Variants in NKAIN3 observed in about 807,000 individuals in gnomAD.
NKAIN3 encodes the protein sodium/potassium transporting ATPase interacting 3, also known as sodium/potassium-transporting ATPase subunit beta-1-interacting protein 3.
In NKAIN3, 25 loss-of-function variants were observed where a neutral mutation model predicts 30.2. The observed-to-expected ratio is 0.83, with a 90% confidence interval of 0.60 to 1.16. NKAIN3 has a LOEUF of 1.16. Among genes scored for constraint, NKAIN3 ranks in the 50% most tolerant of loss-of-function variants. NKAIN3 has a pLI of 0.00. For missense variants in NKAIN3, 225 were observed against 254.1 expected, an observed-to-expected ratio of 0.89 and a Z score of 0.78; for synonymous variants, 91 against 89.6, an observed-to-expected ratio of 1.02 and a Z score of -0.09.
At chr8:62,386,284 T>C (rs887801849) in intron 1 of NKAIN3, among the ~76,000 whole-genome samples, 1 of 152,222 alleles carries the variant, frequency 6.6e-6, no homozygotes, top group African/African-American at 2.4e-5. Context: ...GAAGTAGTTA[T>C]AATAACACTC....
At chr8:62,852,037 C>T (rs1042922417) in intron 4 of NKAIN3, among the ~76,000 whole-genome samples, 2 of 152,170 alleles carry the variant, frequency 1.3e-5, no homozygotes, top group Non-Finnish European at 2.9e-5. Flanking sequence ...AAGGTACCAG[C>T]TCCTCCTTCT....
At chr8:62,349,022 TCATTACACAAA>T (rs2129591629) in intron 1 of NKAIN3, among the ~76,000 whole-genome samples, 1 of 152,262 alleles carries the variant, frequency 6.6e-6, no homozygotes, top group East Asian at 1.9e-4. Flanking sequence ...CTTGAGCAGG[TCATTACACAAA>T]CATACCCTGA....
At chr8:62,586,209 G>A (rs1013843621) in intron 2 of NKAIN3, among the ~76,000 whole-genome samples, 6 of 152,242 alleles carry the variant, frequency 3.9e-5, no homozygotes, top group South Asian at 2.1e-4. Flanking sequence ...TGCTATGTCA[G>A]CATAAATCCC....
intron 1 of NKAIN3, among the ~76,000 whole-genome samples, chr8:62,531,165 C>T (rs1034118041): frequency 6.6e-6 from 1 of 152,176 alleles, no homozygotes; most frequent in Admixed American, 6.5e-5. Flanking sequence ...TGTGCTGTCT[C>T]TGTGGGACAC....
intron 1 of NKAIN3, among the ~76,000 whole-genome samples, chr8:62,494,714 A>G (rs1807180152): frequency 6.6e-6 from 1 of 151,972 alleles, no homozygotes; most frequent in Non-Finnish European, 1.5e-5. Context: ...CAGGGAATCA[A>G]TTTCGTTCTG....
intron 1 of NKAIN3, among the ~76,000 whole-genome samples, chr8:62,548,067 C>A (rs1024906248): frequency 6.6e-6 from 1 of 152,100 alleles, no homozygotes; most frequent in African/African-American, 2.4e-5. Context: ...TCTGTTGGCT[C>A]CTAATCTCTT....
intron 3 of NKAIN3, among the ~76,000 whole-genome samples, chr8:62,714,718 A>G (rs1230485661): frequency 6.6e-6 from 1 of 152,206 alleles, no homozygotes; most frequent in Non-Finnish European, 1.5e-5. Context: ...TACAAGTATG[A>G]AATAGGTGCA....
chr8:62,248,858 G>A lies in NKAIN3; in HGVS notation c.-216G>A. 7.7e-6 allele frequency: 4 copies of A among 516,778 alleles called. No individual in the cohort carries two copies. Among genetic ancestry groups the A allele is most frequent in the Non-Finnish European group, 1.3e-5 (4 of 297,164 alleles). The allele number at this position is 516,778 out of a possible 1,614,324, so 32.0% of individuals were successfully genotyped here. A position where few individuals can be genotyped will look rare whatever the true frequency, so the allele number is the denominator to read the frequency against. On this transcript the variant is annotated 5_prime_UTR_variant, in exon 1 of 7. Coordinates refer to ENST00000623646, the MANE Select transcript of NKAIN3 (RefSeq NM_001304533.3). ...CAGTGGGACGCAGGGACCCCCGCCA[G>A]ACGCTCGGGTCGTGCGCACCGCACT...
intron 4 of NKAIN3, among the ~76,000 whole-genome samples, chr8:62,810,294 T>C (rs1194632192): frequency 6.6e-6 from 1 of 152,184 alleles, no homozygotes. Flanking sequence ...ACTTCTTTTA[T>C]GATTTGAGGA....
At chr8:62,449,500 A>G (rs985114122) in intron 1 of NKAIN3, among the ~76,000 whole-genome samples, 1 of 152,098 alleles carries the variant, frequency 6.6e-6, no homozygotes, top group Non-Finnish European at 1.5e-5. Flanking sequence ...ATAGCTAAAT[A>G]TAAGTGTAAT....
At chr8:62,561,923 T>G (rs577614113) in intron 1 of NKAIN3, among the ~76,000 whole-genome samples, 2 of 152,174 alleles carry the variant, frequency 1.3e-5, no homozygotes, top group South Asian at 4.1e-4. Context: ...TTACATTTAT[T>G]GCCTATAAAA....
intron 4 of NKAIN3, among the ~76,000 whole-genome samples, chr8:62,877,613 C>T (rs1820839685): frequency 6.6e-6 from 1 of 152,164 alleles, no homozygotes; most frequent in African/African-American, 2.4e-5. Flanking sequence ...ATTTGTAATG[C>T]TAAAATTTTA....
At chr8:62,738,073 T>C (rs1398381533) in intron 3 of NKAIN3, among the ~76,000 whole-genome samples, 1 of 152,158 alleles carries the variant, frequency 6.6e-6, no homozygotes, top group African/African-American at 2.4e-5. Flanking sequence ...TGGTTCTAGA[T>C]CCTTGAGGAA....
rs566044689 is a variant in NKAIN3 at position 62,998,140 on chromosome 8, T to G, written c.533-1091T>G. ...TGTGTCTCCAAGTTCTTGTCATCTA[T>G]TTTATGAAAGAGGCCATATGGACAC... is the stretch of plus-strand genomic sequence containing the variant. On this transcript the variant is annotated intron_variant, in intron 5 of 5. Coordinates refer to the NKAIN3 transcript ENST00000519049. 3.7e-3 allele frequency among the ~76,000 whole-genome samples: 566 copies of G among 152,330 alleles called. 1 individual carries two copies. The highest frequency in any genetic ancestry group is 6.3e-3 in the Non-Finnish European group (432 of 68,034).
chr8:62,477,160 G>A lies in NKAIN3; in HGVS notation c.55-102379G>A, dbSNP rs534163952. On this transcript the variant is annotated intron_variant, in intron 1 of 6. Transcript: ENST00000623646. ...AATGTTAGCGTATCAATCATGTGTGGAAACACACATGGAGCTGAGCCAGGT... is the reference window on the plus strand; with the variant it reads ...AATGTTAGCGTATCAATCATGTGTGAAAACACACATGGAGCTGAGCCAGGT... Among the ~76,000 whole-genome samples the A allele has an allele frequency of 4.9e-4, 74 of 152,280 alleles. No homozygotes were observed. The Middle Eastern group carries it at 0.017, about 35-fold the overall frequency.
intron 1 of NKAIN3, among the ~76,000 whole-genome samples, chr8:62,435,103 A>G (rs1329930777): frequency 6.6e-6 from 1 of 152,102 alleles, no homozygotes; most frequent in African/African-American, 2.4e-5. Flanking sequence ...ATAAGTGGAC[A>G]ATTTTCTGGT....
At chr8:62,659,533 G>T (rs1412372197) in intron 3 of NKAIN3, among the ~76,000 whole-genome samples, 1 of 152,146 alleles carries the variant, frequency 6.6e-6, no homozygotes. Context: ...TGCTATCATT[G>T]TAACAACAAG....
At chr8:62,796,476 C>G (rs1171473689) in intron 4 of NKAIN3, among the ~76,000 whole-genome samples, 1 of 146,660 alleles carries the variant, frequency 6.8e-6, no homozygotes, top group Non-Finnish European at 1.5e-5. Flanking sequence ...CTCAATTTGT[C>G]TAGATGATTA....
At position 62,972,280 on chromosome 8, in the gene NKAIN3, A is replaced by G. The variant is rs1823851127; in HGVS notation, c.*6873A>G. On this transcript the variant is annotated 3_prime_UTR_variant, in exon 7 of 7. Transcript: ENST00000623646. ...ATCTCTTTTTCTTCAAGAACATAAT[A>G]TCGGCTGAAGTGGAATGAGTATTCA... 6.6e-6 allele frequency among the ~76,000 whole-genome samples: 1 copy of G among 152,152 alleles called. No individual in the cohort carries two copies. Among genetic ancestry groups the G allele is most frequent in the South Asian group, 2.1e-4 (1 of 4,824 alleles).
Sources: gnomAD v4.1 joint callset for allele counts (sites outside exome capture counted in the v4.1 genomes callset) on GRCh38, gnomAD v4.1.1 for gene constraint, MANE v1.5 for transcripts, NCBI Gene and HGNC (gene_info 2026-07-23, HGNC 2026-07-21) for gene names.